The following ATG10 variants were observed in gnomAD, a reference collection of about 807,000 sequenced individuals.
ATG10 encodes autophagy related 10, also known as ubiquitin-like-conjugating enzyme ATG10.
ATG10 carries 30 observed loss-of-function variants against 32.1 expected under a neutral mutation model. That is an observed-to-expected ratio of 0.94 (90% CI 0.70 to 1.27). The LOEUF (loss-of-function observed/expected upper bound fraction) is 1.27. Ranked by LOEUF, ATG10 falls within the 50% of genes most tolerant of loss-of-function variation. The pLI, the probability that ATG10 is intolerant of heterozygous loss-of-function variation, is 0.00. For synonymous variants in ATG10, 87 were observed against 91.5 expected (o/e 0.95, Z 0.28); for missense variants, 233 against 262.3 (o/e 0.89, Z 0.77).
chr5:82,139,955 C>T lies in ATG10; in HGVS notation c.217-24444C>T, dbSNP rs1213696708. ...GAGGGAGGTGGGGGGGTCAGCCCTC[C>T]GCCCGGCCAGCCGCCCCGTCAGGGA... On this transcript the variant is annotated intron_variant, in intron 3 of 7. Coordinates refer to ENST00000282185, the MANE Select transcript of ATG10 (RefSeq NM_031482.5). Among the ~76,000 whole-genome samples the T allele has an allele frequency of 5.0e-4, 65 of 128,838 alleles. No homozygotes were observed. In the South Asian group the frequency reaches 6.1e-3, roughly 12 times the overall value. The allele number at this position is 128,838 out of a possible 152,430, so 84.5% of individuals were successfully genotyped here.
intron 3 of ATG10, among the ~76,000 whole-genome samples, chr5:82,120,546 G>A (rs1766003153): frequency 6.6e-6 from 1 of 152,168 alleles, no homozygotes; most frequent in African/African-American, 2.4e-5. Context: ...GGATGGAAGT[G>A]ACTTGATTAA....
At chr5:81,995,450 T>G (rs1194155761) in intron 2 of ATG10, among the ~76,000 whole-genome samples, 1 of 152,140 alleles carries the variant, frequency 6.6e-6, no homozygotes, top group Non-Finnish European at 1.5e-5. Context: ...GCCTGAGTTT[T>G]TAATGTTCTT....
intron 3 of ATG10, among the ~76,000 whole-genome samples, chr5:82,068,016 G>A (rs1363661779): frequency 6.6e-6 from 1 of 152,060 alleles, no homozygotes; most frequent in African/African-American, 2.4e-5. Context: ...CAATTGTAAA[G>A]GTCTAACTTA....
At chr5:82,155,117 C>A (rs941637411) in intron 3 of ATG10, among the ~76,000 whole-genome samples, 1 of 152,160 alleles carries the variant, frequency 6.6e-6, no homozygotes, top group African/African-American at 2.4e-5. Flanking sequence ...AAGGAACTTG[C>A]AGTTTATTCA....
chr5:82,242,307 T>C (rs964188737), intron 5 of ATG10, among the ~76,000 whole-genome samples: 4 of 152,030 alleles, frequency 2.6e-5, no homozygotes, highest in Non-Finnish European at 4.4e-5. Flanking sequence ...GAGAAGAATC[T>C]GAAGAATTGT....
intron 3 of ATG10, among the ~76,000 whole-genome samples, chr5:82,136,609 G>A (rs1010826565): frequency 6.6e-5 from 10 of 152,124 alleles, no homozygotes; most frequent in African/African-American, 2.4e-4. Context: ...TTAGTCTGAT[G>A]GGCTTCCCTT....
Position 82,128,482 on chromosome 5 carries a change from G to A in ATG10, c.217-35917G>A, listed in dbSNP as rs186526007. ...TCAGGAGCTCTTGTAAGGCAGGCCTGGTGGTGACAAAATCTCTCAGCATTT... is the reference window on the plus strand; with the variant it reads ...TCAGGAGCTCTTGTAAGGCAGGCCTAGTGGTGACAAAATCTCTCAGCATTT... On this transcript the variant is annotated intron_variant, in intron 3 of 7. Coordinates refer to ENST00000282185, the MANE Select transcript of ATG10 (RefSeq NM_031482.5). 1.6e-3 allele frequency among the ~76,000 whole-genome samples: 238 copies of A among 151,906 alleles called. 1 individual carries two copies. The highest frequency in any genetic ancestry group is 5.4e-3 in the African/African-American group (222 of 41,482).
At chr5:82,047,697 T>C (rs949339312) in intron 2 of ATG10, among the ~76,000 whole-genome samples, 3 of 152,122 alleles carry the variant, frequency 2.0e-5, no homozygotes, top group African/African-American at 7.2e-5. Flanking sequence ...ATTACAGGGA[T>C]GGGGAAGCAG....
intron 3 of ATG10, among the ~76,000 whole-genome samples, chr5:82,109,749 T>TC (rs1045821284): frequency 3.9e-4 from 59 of 151,336 alleles, no homozygotes; most frequent in African/African-American, 1.3e-3. Flanking sequence ...CTTCCTTCTT[T>TC]CCCCCCATTG....
intron 2 of ATG10, among the ~76,000 whole-genome samples, chr5:82,050,839 CAAAAAAAAAAAAA>C (rs71000881): frequency 2.2e-4 from 8 of 36,274 alleles, no homozygotes; most frequent in African/African-American, 5.9e-4. Context: ...CCATCTCTAC[CAAAAAAAAAAAAA>C]AAAAAAAAAA....
chr5:82,121,823 T>A (rs1766049838), intron 3 of ATG10, among the ~76,000 whole-genome samples: 1 of 152,200 alleles, frequency 6.6e-6, no homozygotes, highest in South Asian at 2.1e-4. Flanking sequence ...TACTTGATTG[T>A]GGTGGATTAA....
rs1159839812 is a variant in ATG10 at position 81,987,576 on chromosome 5, A to C, written c.6A>C (p.Glu2Asp). M[E>D]EDEFIGEKTF... ...TATTGCAGTTATCATTTAACATGGA[A>C]GAAGATGAGTTCATTGGAGAAAAAA... Residue 2 changes from glutamate (E) to aspartate (D), a missense_variant, in exon 2 of 8, where the codon GAA becomes GAC. Glu to Asp is a conservative substitution (Grantham distance 45). Coordinates refer to ENST00000282185, the MANE Select transcript of ATG10 (RefSeq NM_031482.5). 1.9e-6 allele frequency: 3 copies of C among 1,604,660 alleles called. No individual in the cohort carries two copies. The South Asian group carries it at 3.4e-5, about 18-fold the overall frequency.
intron 3 of ATG10, among the ~76,000 whole-genome samples, chr5:82,120,735 A>G (rs916530687): frequency 6.6e-6 from 1 of 152,106 alleles, no homozygotes; most frequent in African/African-American, 2.4e-5. Flanking sequence ...TCTCAAGGCA[A>G]CATTCAGTCT....
intron 3 of ATG10, among the ~76,000 whole-genome samples, chr5:82,066,749 G>A (rs149060759): frequency 0.011 from 1,625 of 152,194 alleles, 13 homozygotes; most frequent in Non-Finnish European, 0.015. Flanking sequence ...ATTTTATTAG[G>A]TGGCTTCTAG....
intron 5 of ATG10, among the ~76,000 whole-genome samples, chr5:82,235,652 T>C (rs1021263444): frequency 6.6e-6 from 1 of 152,212 alleles, no homozygotes; most frequent in African/African-American, 2.4e-5. Context: ...GGGGTTTGAC[T>C]AGAGAGACAG....
At chr5:82,082,991 G>C (rs956561804) in intron 3 of ATG10, among the ~76,000 whole-genome samples, 1 of 152,218 alleles carries the variant, frequency 6.6e-6, no homozygotes, top group Non-Finnish European at 1.5e-5. Flanking sequence ...TCTCACTGGG[G>C]CTTGTCAGAC....
intron 3 of ATG10, among the ~76,000 whole-genome samples, chr5:82,117,158 T>C (rs776163669): frequency 2.0e-5 from 3 of 152,112 alleles, no homozygotes; most frequent in Non-Finnish European, 2.9e-5. Flanking sequence ...GCTGCTTTTA[T>C]TTTAGTTGAG....
At chr5:82,133,387 A>C (rs960333416) in intron 3 of ATG10, among the ~76,000 whole-genome samples, 1 of 151,864 alleles carries the variant, frequency 6.6e-6, no homozygotes, top group African/African-American at 2.4e-5. Context: ...GTCCACCTTG[A>C]GTTAATTTTT....
chr5:82,223,718 T>A (rs988310192), intron 5 of ATG10, among the ~76,000 whole-genome samples: 6 of 152,180 alleles, frequency 3.9e-5, no homozygotes, highest in Non-Finnish European at 5.9e-5. Context: ...ACCTTTATAG[T>A]CTTATATAGA....
Sources: gnomAD v4.1 joint callset for allele counts (sites outside exome capture counted in the v4.1 genomes callset) on GRCh38, gnomAD v4.1.1 for gene constraint, MANE v1.5 for transcripts, NCBI Gene and HGNC (gene_info 2026-07-23, HGNC 2026-07-21) for gene names.